Variants in ZNF69 observed in about 807,000 individuals in gnomAD.
The protein encoded by ZNF69 is ZNF3.
A neutral mutation model predicts 50.9 loss-of-function variants in ZNF69; 47 were observed. That is an observed-to-expected ratio of 0.92 (90% CI 0.73 to 1.18). The LOEUF (loss-of-function observed/expected upper bound fraction) is 1.18. Among genes scored for constraint, ZNF69 ranks in the 50% most tolerant of loss-of-function variants. The probability of loss-of-function intolerance (pLI) is 0.00; values close to 1 mark genes in which losing one functional copy is unlikely to be tolerated. For missense variants in ZNF69, 717 were observed against 675.1 expected, an observed-to-expected ratio of 1.06 and a Z score of -0.69; for synonymous variants, 216 against 223.1, an observed-to-expected ratio of 0.97 and a Z score of 0.29.
chr19:11,977,457 G>C, the ZNF69 span: 1 of 1,611,492 alleles, frequency 6.2e-7, no homozygotes, highest in South Asian at 1.1e-5. Context: ...AGAGAAAGCA[G>C]TGTCTCTAGA....
At chr19:11,941,298 C>G in the ZNF69 span, among the ~76,000 whole-genome samples, 1 of 152,264 alleles carries the variant, frequency 6.6e-6, no homozygotes, top group African/African-American at 2.4e-5. Flanking sequence ...TGCGCCCGCA[C>G]TCCTCAGCCC....
chr19:11,930,456 A>G, the ZNF69 span, among the ~76,000 whole-genome samples: 30 of 148,512 alleles, frequency 2.0e-4, no homozygotes, highest in Non-Finnish European at 4.0e-4. Flanking sequence ...GTTGAGTTTG[A>G]GTAAAGTTTA....
At chr19:11,901,293 G>C (rs945842788) in intron 1 of ZNF69, among the ~76,000 whole-genome samples, 1 of 152,112 alleles carries the variant, frequency 6.6e-6, no homozygotes, top group Admixed American at 6.5e-5. Flanking sequence ...TTAATCATCA[G>C]GAGATATTAA....
intron 1 of ZNF69, among the ~76,000 whole-genome samples, chr19:11,893,575 C>A (rs771243666): frequency 5.3e-5 from 8 of 152,180 alleles, no homozygotes; most frequent in Non-Finnish European, 8.8e-5. Flanking sequence ...CTTTGGGATG[C>A]GGTTCCTTTC....
chr19:11,918,005 C>T (rs569527599), downstream of ZNF69, among the ~76,000 whole-genome samples: 5 of 152,172 alleles, frequency 3.3e-5, no homozygotes, highest in South Asian at 2.1e-4. Context: ...AGGCTGGTCT[C>T]GAACTCCTGA....
the ZNF69 span, among the ~76,000 whole-genome samples, chr19:11,951,150 CAAAAA>C: frequency 4.6e-5 from 3 of 65,068 alleles, no homozygotes; most frequent in African/African-American, 1.4e-4. Flanking sequence ...ACTCCATCTC[CAAAAA>C]AAAAAAAAAA....
At chr19:11,920,353 T>A in the ZNF69 span, among the ~76,000 whole-genome samples, 2 of 152,146 alleles carry the variant, frequency 1.3e-5, no homozygotes, top group Non-Finnish European at 2.9e-5. Flanking sequence ...TATCAGGTGA[T>A]CCACTCACTT....
At chr19:11,953,915 ATGT>A in the ZNF69 span, among the ~76,000 whole-genome samples, 2 of 152,168 alleles carry the variant, frequency 1.3e-5, no homozygotes, top group African/African-American at 2.4e-5. Context: ...CTCTGTGTTG[ATGT>A]TAAGGAATTA....
At chr19:11,974,074 TTTC>T in the ZNF69 span, among the ~76,000 whole-genome samples, 1 of 56,922 alleles carries the variant, frequency 1.8e-5, no homozygotes, top group East Asian at 6.2e-4. Flanking sequence ...CTTTCTTTTC[TTTC>T]TTTCTTTCTT....
At chr19:11,957,358 T>C in the ZNF69 span, among the ~76,000 whole-genome samples, 3 of 151,948 alleles carry the variant, frequency 2.0e-5, no homozygotes, top group African/African-American at 7.2e-5. Context: ...CCTCCCAAAG[T>C]GCTGGGATTA....
the ZNF69 span, among the ~76,000 whole-genome samples, chr19:11,921,322 A>C: frequency 0.012 from 1,816 of 152,142 alleles, 30 homozygotes; most frequent in African/African-American, 0.042. Flanking sequence ...GGCACATGCC[A>C]CTATGCCCGG....
At chr19:11,889,781 T>G (rs2145206183) in intron 1 of ZNF69, among the ~76,000 whole-genome samples, 1 of 152,178 alleles carries the variant, frequency 6.6e-6, no homozygotes, top group East Asian at 1.9e-4. Flanking sequence ...GGTCTCTGAG[T>G]TCCCTCAGTA....
intron 1 of ZNF69, among the ~76,000 whole-genome samples, chr19:11,902,809 G>A (rs570334583): frequency 1.3e-5 from 2 of 151,796 alleles, no homozygotes; most frequent in African/African-American, 2.4e-5. Flanking sequence ...AACTTTTTCT[G>A]CATATTAATT....
chr19:11,907,097 A>G (rs191767096), downstream of ZNF69, among the ~76,000 whole-genome samples: 1 of 152,340 alleles, frequency 6.6e-6, no homozygotes, highest in African/African-American at 2.4e-5. Context: ...GATCAAATGG[A>G]TGAAATGAAG....
chr19:11,955,957 T>A, the ZNF69 span, among the ~76,000 whole-genome samples: 1,381 of 152,298 alleles, frequency 9.1e-3, 29 homozygotes, highest in African/African-American at 0.032. Context: ...ATAATATGAT[T>A]AAATATTGAG....
the ZNF69 span, among the ~76,000 whole-genome samples, chr19:11,939,664 T>C: frequency 1.3e-5 from 2 of 152,194 alleles, no homozygotes; most frequent in Admixed American, 6.5e-5. Context: ...TTCCACCACG[T>C]TGGCCAGGCA....
chr19:11,961,922 T>TACAC, the ZNF69 span, among the ~76,000 whole-genome samples: 8,590 of 145,016 alleles, frequency 0.059, 240 homozygotes, highest in South Asian at 0.084. Flanking sequence ...TGGCCTCTTT[T>TACAC]ACACACACAC....
chr19:11,949,725 G>A, the ZNF69 span: 1 of 1,613,756 alleles, frequency 6.2e-7, no homozygotes, highest in Non-Finnish European at 8.5e-7. Flanking sequence ...ATGAGTGTAA[G>A]CAATGTGGGA....
chr19:11,889,437 C>T (rs1194771791), intron 1 of ZNF69, among the ~76,000 whole-genome samples: 3 of 152,172 alleles, frequency 2.0e-5, no homozygotes, highest in South Asian at 2.1e-4. Flanking sequence ...GGCCAAGAGC[C>T]GGTCACTTCA....
Sources: gnomAD v4.1 joint callset for allele counts (sites outside exome capture counted in the v4.1 genomes callset) on GRCh38, gnomAD v4.1.1 for gene constraint, MANE v1.5 for transcripts, NCBI Gene and HGNC (gene_info 2026-07-23, HGNC 2026-07-21) for gene names.